The following TTI2 variants were observed in gnomAD, a reference collection of about 807,000 sequenced individuals.
The protein encoded by TTI2 is TELO2-interacting protein 2.
In TTI2, 26 loss-of-function variants were observed where a neutral mutation model predicts 44.9. The ratio of observed to expected loss-of-function variants is 0.58; its 90% CI spans 0.42 to 0.80. The LOEUF is 0.80. Among genes scored for constraint, TTI2 ranks in the 30% least tolerant of loss-of-function variants. TTI2 has a pLI of 0.00. For synonymous variants in TTI2, 254 were observed against 250.9 expected, an observed-to-expected ratio of 1.01 and a Z score of -0.12; for missense variants, 582 against 611.6, an observed-to-expected ratio of 0.95 and a Z score of 0.51.
chr8:33,509,828 G>A lies in TTI2; in HGVS notation c.752C>T (p.Ala251Val), dbSNP rs760571201. 4.1e-5 allele frequency: 66 copies of A among 1,613,922 alleles called. No individual in the cohort carries two copies. The highest frequency in any genetic ancestry group is 5.5e-5 in the Non-Finnish European group (65 of 1,179,974). Residue 251 changes from alanine to valine, a missense_variant, in exon 3 of 8, where the codon GCA (alanine) becomes GTA (valine). Physicochemically the swap from Ala to Val is moderately conservative, Grantham distance 64. Transcript: ENST00000431156. ...ATAGTCATCTGAAATGACCAATGAT[G>A]CGGGAAGTACCCTTTCCAGATGCTG... The part of the protein sequence containing the change: ...LSQHLERVLP[A>V]SLVISDDYQT...
Position 33,498,902 on chromosome 8 carries a change from T to C in TTI2, c.*271A>G. 1 of 579,110 alleles carries C rather than the reference T, an allele frequency of 1.7e-6. No individual in the cohort carries two copies. Among genetic ancestry groups the C allele is most frequent in the Non-Finnish European group, 3.0e-6 (1 of 329,136 alleles). The allele number at this position is 579,110 out of a possible 1,614,324, so 35.9% of individuals were successfully genotyped here. A position where few individuals can be genotyped will look rare whatever the true frequency, so the allele number is the denominator to read the frequency against. The stretch of plus-strand genomic sequence containing the variant: ...AACAGATGAGTTCTTGAATCTGGGA[T>C]GAGATGACGGATGTAAATATTTCTA... On this transcript the variant is annotated 3_prime_UTR_variant, in exon 8 of 8. Transcript: ENST00000431156.
rs1809603080 is a variant in TTI2 at position 33,512,720 on chromosome 8, CAAATA to C, written c.-99-13_-99-9del. On this transcript the variant is annotated splice_polypyrimidine_tract_variant and intron_variant, in intron 1 of 7. Transcript: ENST00000431156. The stretch of plus-strand genomic sequence containing the variant: ...GCGATCACCCAAAGAGAACTAAAAT[CAAATA>C]AAATAAAACAGAGAGATGTCTTGGA... 1.5e-6 allele frequency: 2 copies of C among 1,298,132 alleles called. No individual in the cohort carries two copies. The highest frequency in any genetic ancestry group is 4.7e-5 in the East Asian group (2 of 42,426). 80.4% of individuals were successfully genotyped at this position (1,298,132 alleles called of 1,614,324 possible).
In TTI2 at chr8:33,509,885, G is replaced by A. The variant is rs369757546; in HGVS notation, c.695C>T (p.Thr232Ile). Residue 232 changes from threonine to isoleucine, a missense_variant, in exon 3 of 8, where the codon ACT becomes ATT. Coordinates refer to ENST00000431156, the MANE Select transcript of TTI2 (RefSeq NM_001102401.4). The stretch of plus-strand genomic sequence containing the variant: ...CCAGGGCCGAGTGACCTGTTGCAGA[G>A]TCCATGAGAAAACATGTTTGATGGC... The part of the protein sequence containing the change: ...NPAIKHVFSW[T>I]LQQVTRPWLS... 4.1e-5 allele frequency: 65 copies of A among 1,600,962 alleles called. No individual in the cohort carries two copies. The highest frequency in any genetic ancestry group is 5.3e-5 in the Non-Finnish European group (62 of 1,172,952).
At chr8:33,500,739 G>A in intron 6 of TTI2, 1 of 448,288 alleles carries the variant, frequency 2.2e-6, no homozygotes. Context: ...CCTTCCAGAA[G>A]CTTGGTTCTA....
Position 33,503,487 on chromosome 8 carries a change from C to T in TTI2, c.1201G>A (p.Glu401Lys). The T allele has an allele frequency of 6.2e-7, 1 of 1,614,182 alleles. No homozygotes were observed. The highest frequency in any genetic ancestry group is 8.5e-7 in the Non-Finnish European group (1 of 1,180,034). Residue 401 changes from glutamate to lysine, a missense_variant, in exon 6 of 8, where the codon GAA becomes AAA. Transcript: ENST00000431156. ...YLEVYDGPEEEARLKILETLK... is the reference protein window; with the variant it reads ...YLEVYDGPEEKARLKILETLK... ...GTTTCCAATATCTTCAGTCTAGCTT[C>T]CTCCTCAGGTCCATCATAAACCTCC...
At position 33,509,840 on chromosome 8, in the gene TTI2, C is replaced by G; in HGVS notation, c.740G>C (p.Arg247Thr). 6.2e-7 allele frequency: 1 copy of G among 1,614,128 alleles called. No individual in the cohort carries two copies. Among genetic ancestry groups the G allele is most frequent in the Non-Finnish European group, 8.5e-7 (1 of 1,180,024 alleles). ...AATGACCAATGATGCGGGAAGTACC[C>G]TTTCCAGATGCTGGCTCAGCCAGGG... ...TRPWLSQHLE[R>T]VLPASLVISD... Residue 247 changes from arginine (R) to threonine (T), a missense_variant, in exon 3 of 8, where the codon AGG becomes ACG. Transcript: ENST00000431156.
chr8:33,505,283 A>C (rs539302832), intron 4 of TTI2, among the ~76,000 whole-genome samples: 2 of 152,170 alleles, frequency 1.3e-5, no homozygotes, highest in South Asian at 4.2e-4. Context: ...GAAAGGAGGG[A>C]AGTAAGGCAT....
At chr8:33,503,647 G>A in intron 5 of TTI2, 75 bp from the exon 6 acceptor site, 1 of 1,608,598 alleles carries the variant, frequency 6.2e-7, no homozygotes, top group South Asian at 1.1e-5. Flanking sequence ...GGAGGCTGAG[G>A]TGGGAGGATT....
chr8:33,505,641 C>T (rs1206352053), intron 4 of TTI2, among the ~76,000 whole-genome samples: 1 of 152,014 alleles, frequency 6.6e-6, no homozygotes, highest in Non-Finnish European at 1.5e-5. Context: ...AGGCATGCGC[C>T]ACCATGCCTG....
chr8:33,508,022 CT>C (rs1809363710), intron 3 of TTI2, among the ~76,000 whole-genome samples: 1 of 130,306 alleles, frequency 7.7e-6, no homozygotes, highest in Non-Finnish European at 1.6e-5. Context: ...TGTACTGCCC[CT>C]AGCCACATTT....
intron 3 of TTI2, 59 bp downstream of exon 3, chr8:33,509,687 C>T: frequency 6.6e-7 from 1 of 1,505,514 alleles, no homozygotes; most frequent in South Asian, 1.1e-5. Flanking sequence ...AAATGAAGAA[C>T]AGCCAGGAAT....
intron 3 of TTI2, among the ~76,000 whole-genome samples, chr8:33,508,868 G>A (rs1277787356): frequency 1.3e-5 from 2 of 151,886 alleles, no homozygotes; most frequent in African/African-American, 2.4e-5. Flanking sequence ...TAGGCCGGGC[G>A]GGGTGGCTCA....
chr8:33,511,017 C>T (rs1272550369), intron 2 of TTI2, among the ~76,000 whole-genome samples: 1 of 152,102 alleles, frequency 6.6e-6, no homozygotes, highest in Non-Finnish European at 1.5e-5. Flanking sequence ...TTTAAATCCT[C>T]TCTAAATCCC....
intron 4 of TTI2, among the ~76,000 whole-genome samples, chr8:33,505,185 T>C (rs1008327953): frequency 6.6e-6 from 1 of 152,074 alleles, no homozygotes; most frequent in African/African-American, 2.4e-5. Flanking sequence ...ATCGCGCCAC[T>C]GTACTCCGGC....
In TTI2 at chr8:33,509,804, T is replaced by C. The variant is rs371200318; in HGVS notation, c.776A>G (p.Tyr259Cys). The change falls in exon 3 of 8, where the codon TAT becomes TGT. Residue 259 changes from tyrosine to cysteine, a missense_variant. Transcript: ENST00000431156. ...ACCCAGGATTTTGTTCTCAGTCTGATAGTCATCTGAAATGACCAATGATGC... is the reference window on the plus strand; with the variant it reads ...ACCCAGGATTTTGTTCTCAGTCTGACAGTCATCTGAAATGACCAATGATGC... ...LPASLVISDD[Y>C]QTENKILGVH... The C allele has an allele frequency of 4.2e-5, 67 of 1,614,060 alleles. No individual in the cohort carries two copies. Among genetic ancestry groups the C allele is most frequent in the Non-Finnish European group, 5.3e-5 (63 of 1,180,026 alleles).
intron 3 of TTI2, among the ~76,000 whole-genome samples, chr8:33,507,842 T>A (rs1161958161): frequency 1.3e-5 from 2 of 149,928 alleles, no homozygotes; most frequent in Admixed American, 1.3e-4. Flanking sequence ...ATTAAAAAAT[T>A]AGTTGGCCTG....
chr8:33,509,461 AAAAAAAAAAAAAAAAG>A (rs1316312852), intron 3 of TTI2, among the ~76,000 whole-genome samples: 1 of 142,766 alleles, frequency 7.0e-6, no homozygotes, highest in Non-Finnish European at 1.5e-5. Context: ...CTCTCAAAAA[AAAAAAAAAAAAAAAAG>A]AAAGAAAGAA....
intron 3 of TTI2, among the ~76,000 whole-genome samples, chr8:33,509,132 C>CAAAAAA (rs751009227): frequency 3.9e-4 from 38 of 96,572 alleles, no homozygotes; most frequent in East Asian, 6.2e-4. Context: ...GATAATGTCT[C>CAAAAAA]AAAAAAAAAA....
chr8:33,499,328 T>C, intron 7 of TTI2, 51 bp from the exon 8 acceptor site: 1 of 1,308,250 alleles, frequency 7.6e-7, no homozygotes, highest in Non-Finnish European at 1.1e-6. Context: ...TTTAATTACT[T>C]TCCCCTTTTG....
Sources: gnomAD v4.1 joint callset for allele counts (sites outside exome capture counted in the v4.1 genomes callset) on GRCh38, gnomAD v4.1.1 for gene constraint, MANE v1.5 for transcripts, NCBI Gene and HGNC (gene_info 2026-07-23, HGNC 2026-07-21) for gene names.